AKAP19: variants seen among roughly 807,000 people sequenced by gnomAD.
AKAP19 encodes the protein small A-kinase anchoring protein.
At chr2:189,959,870 A>G in the AKAP19 span, among the ~76,000 whole-genome samples, 2 of 152,228 alleles carry the variant, frequency 1.3e-5, no homozygotes, top group South Asian at 4.1e-4. Context: ...TTGAAATGAA[A>G]AACATATACC....
chr2:190,009,850 G>A, the AKAP19 span, among the ~76,000 whole-genome samples: 20 of 151,378 alleles, frequency 1.3e-4, no homozygotes, highest in South Asian at 4.2e-3. Context: ...AAAGGCCTGA[G>A]ACATAATGAC....
the AKAP19 span, among the ~76,000 whole-genome samples, chr2:189,973,034 T>C: frequency 6.6e-6 from 1 of 152,210 alleles, no homozygotes; most frequent in Non-Finnish European, 1.5e-5. Context: ...ATAGGAGTGG[T>C]GAGAGAGGGC....
the AKAP19 span, among the ~76,000 whole-genome samples, chr2:190,093,758 C>G: frequency 1.3e-5 from 2 of 152,080 alleles, no homozygotes; most frequent in Non-Finnish European, 2.9e-5. Flanking sequence ...TGAAATTTGC[C>G]CGTGTGTAAT....
chr2:189,910,314 G>T, the AKAP19 span, among the ~76,000 whole-genome samples: 1 of 152,012 alleles, frequency 6.6e-6, no homozygotes, highest in East Asian at 1.9e-4. Flanking sequence ...AAGGATAACA[G>T]TTGCAGCCTT....
chr2:190,073,100 A>G, the AKAP19 span, among the ~76,000 whole-genome samples: 1 of 152,180 alleles, frequency 6.6e-6, no homozygotes, highest in Non-Finnish European at 1.5e-5. Flanking sequence ...CAATATAAAG[A>G]ATGCACAAAT....
the AKAP19 span, among the ~76,000 whole-genome samples, chr2:190,107,420 AT>A: frequency 4.5e-4 from 68 of 150,710 alleles, no homozygotes; most frequent in Middle Eastern, 0.01. Flanking sequence ...TGATTCCAGT[AT>A]TTTTTTTTTC....
the AKAP19 span, among the ~76,000 whole-genome samples, chr2:189,911,154 C>T: frequency 6.6e-6 from 1 of 151,982 alleles, no homozygotes; most frequent in Non-Finnish European, 1.5e-5. Context: ...TAGAATTTAC[C>T]ATATGGATAA....
At chr2:190,164,728 G>A in the AKAP19 span, among the ~76,000 whole-genome samples, 54 of 152,170 alleles carry the variant, frequency 3.5e-4, no homozygotes, top group South Asian at 2.1e-4. Context: ...AATGCTATTA[G>A]TTCTCAGATG....
the AKAP19 span, among the ~76,000 whole-genome samples, chr2:190,160,387 C>T: frequency 7.9e-5 from 12 of 151,864 alleles, no homozygotes; most frequent in African/African-American, 2.2e-4. Context: ...GTTTCTCTTT[C>T]GTGATCCCTA....
chr2:190,066,977 G>A, the AKAP19 span, among the ~76,000 whole-genome samples: 2 of 152,146 alleles, frequency 1.3e-5, no homozygotes, highest in African/African-American at 4.8e-5. Context: ...GAATAAATTT[G>A]ATTAGGTGTG....
the AKAP19 span, chr2:190,057,217 C>A: frequency 3.7e-6 from 6 of 1,610,584 alleles, no homozygotes; most frequent in Middle Eastern, 1.7e-4. Context: ...GAGGGGAAAA[C>A]CTTCCATGTT....
chr2:190,037,721 C>T, the AKAP19 span, among the ~76,000 whole-genome samples: 5 of 152,150 alleles, frequency 3.3e-5, no homozygotes, highest in African/African-American at 7.2e-5. Flanking sequence ...TCTCTTTCTT[C>T]CTTAGGATCC....
the AKAP19 span, among the ~76,000 whole-genome samples, chr2:190,005,209 C>T: frequency 1.3e-5 from 2 of 152,300 alleles, no homozygotes; most frequent in Admixed American, 6.5e-5. Flanking sequence ...ACAAAGCTTC[C>T]GCAGCATGCA....
the AKAP19 span, among the ~76,000 whole-genome samples, chr2:190,195,198 A>G: frequency 6.6e-6 from 1 of 152,158 alleles, no homozygotes; most frequent in African/African-American, 2.4e-5. Flanking sequence ...TCCATTGTTT[A>G]GATGTGCCAC....
At chr2:190,108,128 T>C in the AKAP19 span, among the ~76,000 whole-genome samples, 1 of 152,146 alleles carries the variant, frequency 6.6e-6, no homozygotes, top group Non-Finnish European at 1.5e-5. Context: ...TAAAGGTTGT[T>C]AAATTTATTA....
chr2:189,938,489 A>G, the AKAP19 span, among the ~76,000 whole-genome samples: 1 of 152,334 alleles, frequency 6.6e-6, no homozygotes, highest in African/African-American at 2.4e-5. Flanking sequence ...AAAGACAAAC[A>G]TCGCATGTTC....
the AKAP19 span, among the ~76,000 whole-genome samples, chr2:189,945,461 A>G: frequency 6.6e-6 from 1 of 152,200 alleles, no homozygotes; most frequent in African/African-American, 2.4e-5. Context: ...CTTAATTACA[A>G]CTTCATAAGA....
chr2:190,175,018 T>C, the AKAP19 span, among the ~76,000 whole-genome samples: 1 of 106,152 alleles, frequency 9.4e-6, no homozygotes, highest in Non-Finnish European at 2.4e-5. Context: ...AGTACATAGT[T>C]CCTATCCTCA....
chr2:190,193,135 T>C, the AKAP19 span, among the ~76,000 whole-genome samples: 4 of 152,158 alleles, frequency 2.6e-5, no homozygotes, highest in African/African-American at 9.7e-5. Flanking sequence ...GAGGAAGGCC[T>C]TCCTATTAAT....
Sources: gnomAD v4.1 joint callset for allele counts (sites outside exome capture counted in the v4.1 genomes callset) on GRCh38, gnomAD v4.1.1 for gene constraint, MANE v1.5 for transcripts, NCBI Gene and HGNC (gene_info 2026-07-23, HGNC 2026-07-21) for gene names.